NME3: variants seen among roughly 807,000 people sequenced by gnomAD.
NME3 encodes the protein nucleoside diphosphate kinase C.
Under a neutral mutation model 15.8 loss-of-function variants are expected in NME3, and 23 were observed. That is an observed-to-expected ratio of 1.45 (90% CI 1.05 to 2.06). The LOEUF is 2.06. Ranked by LOEUF, NME3 falls within the 30% of genes most tolerant of loss-of-function variation. The pLI, the probability that NME3 is intolerant of heterozygous loss-of-function variation, is 0.00. For synonymous variants in NME3, 157 were observed against 104.4 expected, an observed-to-expected ratio of 1.50 and a Z score of -3.07; for missense variants, 354 against 243.2, an observed-to-expected ratio of 1.46 and a Z score of -3.03.
In NME3 at chr16:1,770,966, T is replaced by A. The variant is rs766179434; in HGVS notation, c.307A>T (p.Thr103Ser). The A allele has an allele frequency of 6.3e-7, 1 of 1,584,368 alleles. No individual in the cohort carries two copies. Among genetic ancestry groups the A allele is most frequent in the Non-Finnish European group, 8.6e-7 (1 of 1,160,694 alleles). Reference sequence around the variant, plus strand: ...GTGGCTCCGATGAGCGCCCGCGAGGTGCGCACCACGTCCAGCCCCTGCCAT... The same window carrying A: ...GTGGCTCCGATGAGCGCCCGCGAGGAGCGCACCACGTCCAGCCCCTGCCAT... ...MVWQGLDVVRTSRALIGATNP... is the reference protein window; with the variant it reads ...MVWQGLDVVRSSRALIGATNP... Residue 103 changes from threonine to serine, a missense_variant, in exon 4 of 5, where the codon ACC (threonine) becomes TCC (serine). Physicochemically the swap from Thr to Ser is moderately conservative, Grantham distance 58. Coordinates refer to ENST00000219302, the MANE Select transcript of NME3 (RefSeq NM_002513.3).
At position 1,771,163 on chromosome 16, in the gene NME3, C is replaced by T. The variant is rs1444364540; in HGVS notation, c.186G>A (p.Glu62=). ...LVALKLVQAS[E]ELLREHYAEL... ...CGGCGTAGTGCTCACGCAGCAGCTCCTCGGAGGCCTGCGGAAGGGTCAGGC... is the reference window on the plus strand; with the variant it reads ...CGGCGTAGTGCTCACGCAGCAGCTCTTCGGAGGCCTGCGGAAGGGTCAGGC... The change falls in exon 3 of 5, where the codon GAG becomes GAA. Residue 62 remains glutamate (E), a synonymous_variant. Transcript: ENST00000219302. The T allele has an allele frequency of 1.2e-6, 2 of 1,602,510 alleles. No individual in the cohort carries two copies. The highest frequency in any genetic ancestry group is 8.5e-7 in the Non-Finnish European group (1 of 1,177,250).
chr16:1,771,020 A>C (rs1009376885), intron 3 of NME3, 27 bp from the exon 4 acceptor site: 1 of 1,593,958 alleles, frequency 6.3e-7, no homozygotes, highest in African/African-American at 1.3e-5. Flanking sequence ...GCGCGGTATC[A>C]CGCGGGGGTG....
At chr16:1,770,840 A>G in intron 4 of NME3, 41 bp downstream of exon 4, 1 of 1,568,366 alleles carries the variant, frequency 6.4e-7, no homozygotes, top group Non-Finnish European at 8.7e-7. Context: ...GAACAGGGGG[A>G]GGCCGGACGG....
chr16:1,771,449 G>C (rs556798168), intron 1 of NME3, 39 bp from the exon 2 acceptor site: 1 of 1,391,836 alleles, frequency 7.2e-7, no homozygotes, highest in Admixed American at 3.9e-5. Context: ...GGCCGGCCCA[G>C]CACCGGCCAC....
In NME3 at chr16:1,771,395, T is replaced by C; in HGVS notation, c.62A>G (p.His21Arg). Residue 21 changes from histidine (H) to arginine (R), a missense_variant, in exon 2 of 5, where the codon CAC (histidine) becomes CGC (arginine). Coordinates refer to ENST00000219302, the MANE Select transcript of NME3 (RefSeq NM_002513.3). Reference protein sequence around the residue: ...NLFPAACTGAHERTFLAVKPD... With the variant: ...NLFPAACTGARERTFLAVKPD... Reference sequence around the variant, plus strand: ...CTTCACGGCCAGGAAGGTGCGTTCGTGTGCGCCGGTGCAGGCTGCGGGGCA... The same window carrying C: ...CTTCACGGCCAGGAAGGTGCGTTCGCGTGCGCCGGTGCAGGCTGCGGGGCA... The C allele has an allele frequency of 6.5e-7, 1 of 1,547,246 alleles. No individual in the cohort carries two copies. Among genetic ancestry groups the C allele is most frequent in the Non-Finnish European group, 8.7e-7 (1 of 1,147,528 alleles).
At position 1,771,492 on chromosome 16, in the gene NME3, C is replaced by T. The variant is rs2042602472; in HGVS notation, c.43G>A (p.Ala15Thr). The T allele has an allele frequency of 3.0e-6, 4 of 1,317,740 alleles. No individual in the cohort carries two copies. Among genetic ancestry groups the T allele is most frequent in the Admixed American group, 4.2e-5 (1 of 24,018 alleles). 81.6% of individuals were successfully genotyped at this position (1,317,740 alleles called of 1,614,324 possible). Reference sequence around the variant, plus strand: ...CGGCCCGCGCCGCGCGGCTCACCCGCGGGGAAGAGGTTAGCGAAGATGGTC... The same window carrying T: ...CGGCCCGCGCCGCGCGGCTCACCCGTGGGGAAGAGGTTAGCGAAGATGGTC... ...VLTIFANLFP[A>T]ACTGAHERTF... is the part of the protein sequence containing the mutation. The change falls in exon 1 of 5, where the codon GCG (alanine) becomes ACG (threonine). Residue 15 changes from alanine (A) to threonine (T), a missense_variant. Transcript: ENST00000219302.
At position 1,771,231 on chromosome 16, in the gene NME3, G is replaced by GC; in HGVS notation, c.177+48dup. ...GGCACCTAGGCGTCCCCAGGTCCCC[G>GC]CTCCCCTTCCCCCCACACCGCGCCC... On this transcript the variant is annotated intron_variant, in intron 2 of 4. Transcript: ENST00000219302. The GC allele has an allele frequency of 4.2e-6, 6 of 1,435,156 alleles. No homozygotes were observed. In the South Asian group the frequency reaches 4.8e-5, roughly 11 times the overall value. 88.9% of individuals were successfully genotyped at this position (1,435,156 alleles called of 1,614,324 possible).
At chr16:1,771,024 G>T (rs763494855) in intron 3 of NME3, 31 bp from the exon 4 acceptor site, 5 of 1,593,370 alleles carry the variant, frequency 3.1e-6, no homozygotes, top group Middle Eastern at 1.7e-4. Context: ...GGTATCACGC[G>T]GGGGTGGGGG....
chr16:1,770,610 G>T lies in NME3; in HGVS notation c.*39C>A. ...CCCGCCCACCTGGGCCCTGGAGGAG[G>T]CTGGAGTGTGAGAGCCTCTGTGACG... On this transcript the variant is annotated 3_prime_UTR_variant, in exon 5 of 5. Transcript: ENST00000219302. 6.7e-7 allele frequency: 1 copy of T among 1,498,242 alleles called. No homozygotes were observed. Among genetic ancestry groups the T allele is most frequent in the African/African-American group, 1.4e-5 (1 of 72,854 alleles). 92.8% of individuals were successfully genotyped at this position (1,498,242 alleles called of 1,614,324 possible).
rs2042556226 is a variant in NME3, at chr16:1,770,492, G to C, written c.*157C>G. On this transcript the variant is annotated 3_prime_UTR_variant, in exon 5 of 5. Transcript: ENST00000219302. ...ACCCTGTACGCCAGGGATTGGAGAG[G>C]CCTGCGCCACCCTCCATGCAACGTC... The C allele has an allele frequency of 1.7e-6, 1 of 590,248 alleles. No individual in the cohort carries two copies. The allele number at this position is 590,248 out of a possible 1,614,324, so 36.6% of individuals were successfully genotyped here.
rs761342124 is a variant in NME3 at position 1,771,168 on chromosome 16, A to T, written c.181T>A (p.Ser61Thr). ...TAGTGCTCACGCAGCAGCTCCTCGG[A>T]GGCCTGCGGAAGGGTCAGGCCGCCT... ...KLVALKLVQA[S>T]EELLREHYAE... Residue 61 changes from serine to threonine, a missense_variant, in exon 3 of 5, where the codon TCC (serine) becomes ACC (threonine). Transcript: ENST00000219302. 1 of 1,600,784 alleles carries T rather than the reference A, an allele frequency of 6.2e-7. No homozygotes were observed. Among genetic ancestry groups the T allele is most frequent in the South Asian group, 1.1e-5 (1 of 90,254 alleles).
Position 1,770,774 on chromosome 16 carries a change from G to C in NME3, c.393-8C>G. 6.2e-7 allele frequency: 1 copy of C among 1,600,296 alleles called. No individual in the cohort carries two copies. Among genetic ancestry groups the C allele is most frequent in the Non-Finnish European group, 8.5e-7 (1 of 1,173,286 alleles). ...CTGCCGTGAATCAGGTTCCTGCGCG[G>C]AAGAGGCGCGTGTGAGCGTGGGAAA... On this transcript the variant is annotated splice_region_variant and splice_polypyrimidine_tract_variant and intron_variant, in intron 4 of 4. Coordinates refer to ENST00000219302, the MANE Select transcript of NME3 (RefSeq NM_002513.3).
rs1040648148 is a variant in NME3 at position 1,770,551 on chromosome 16, G to A, written c.*98C>T. On this transcript the variant is annotated 3_prime_UTR_variant, in exon 5 of 5. Transcript: ENST00000219302. ...TGGATGTTCAGCAGCCCGTCCAAAG[G>A]GATGCTCCAAGCGCTGTGGGGTGGG... 6 of 903,536 alleles carry A rather than the reference G, an allele frequency of 6.6e-6. No homozygotes were observed. The highest frequency in any genetic ancestry group is 9.8e-6 in the Non-Finnish European group (6 of 612,012). The allele number at this position is 903,536 out of a possible 1,614,324, so 56.0% of individuals were successfully genotyped here.
chr16:1,771,369 G>A lies in NME3; in HGVS notation c.88C>T (p.Pro30Ser). Reference sequence around the variant, plus strand: ...ACCAGCCGCCGCTGCACGCCGTCCGGCTTCACGGCCAGGAAGGTGCGTTCG... The same window carrying A: ...ACCAGCCGCCGCTGCACGCCGTCCGACTTCACGGCCAGGAAGGTGCGTTCG... ...AHERTFLAVK[P>S]DGVQRRLVGE... Residue 30 changes from proline (P) to serine (S), a missense_variant, in exon 2 of 5, where the codon CCG (proline) becomes TCG (serine). Coordinates refer to ENST00000219302, the MANE Select transcript of NME3 (RefSeq NM_002513.3). 6.3e-7 allele frequency: 1 copy of A among 1,576,826 alleles called. No homozygotes were observed. Among genetic ancestry groups the A allele is most frequent in the Non-Finnish European group, 8.6e-7 (1 of 1,162,832 alleles).
In NME3 at chr16:1,771,542, G is replaced by A. The variant is rs1444822312; in HGVS notation, c.-8C>T. ...CAGCACCAGGCAGATCATGATGGCG[G>A]TGCGGGAGCGGGATCCGCGGGGCGG... is the stretch of plus-strand genomic sequence containing the variant. On this transcript the variant is annotated 5_prime_UTR_variant, in exon 1 of 5. Coordinates refer to ENST00000219302, the MANE Select transcript of NME3 (RefSeq NM_002513.3). 3.5e-5 allele frequency: 39 copies of A among 1,123,924 alleles called. No individual in the cohort carries two copies. The highest frequency in any genetic ancestry group is 4.5e-5 in the Non-Finnish European group (39 of 871,968). 69.6% of individuals were successfully genotyped at this position (1,123,924 alleles called of 1,614,324 possible).
rs765422683 is a variant in NME3 at position 1,770,784 on chromosome 16, G to T, written c.393-18C>A. 43 of 1,596,954 alleles carry T rather than the reference G, an allele frequency of 2.7e-5. No individual in the cohort carries two copies. Among genetic ancestry groups the T allele is most frequent in the Middle Eastern group, 3.3e-4 (2 of 6,032 alleles). On this transcript the variant is annotated intron_variant, in intron 4 of 4. Transcript: ENST00000219302. Reference sequence around the variant, plus strand: ...TCAGGTTCCTGCGCGGAAGAGGCGCGTGTGAGCGTGGGAAAGAGACCTCCG... The same window carrying T: ...TCAGGTTCCTGCGCGGAAGAGGCGCTTGTGAGCGTGGGAAAGAGACCTCCG...
chr16:1,771,237 C>CG, intron 2 of NME3, 43 bp downstream of exon 2: 1 of 1,572,094 alleles, frequency 6.4e-7, no homozygotes, highest in Non-Finnish European at 8.6e-7. Flanking sequence ...CCCCGCTCCC[C>CG]TTCCCCCCAC....
In NME3 at chr16:1,771,053, G is replaced by T; in HGVS notation, c.279+17C>A. ...GTGGGGGTCCCGGAGCCGCCCGCCC[G>T]CTTCCCGGATACTCACCATGGCCAC... is the stretch of plus-strand genomic sequence containing the variant. On this transcript the variant is annotated intron_variant, in intron 3 of 4. Coordinates refer to ENST00000219302, the MANE Select transcript of NME3 (RefSeq NM_002513.3). 6.3e-7 allele frequency: 1 copy of T among 1,599,432 alleles called. No homozygotes were observed. Among genetic ancestry groups the T allele is most frequent in the Non-Finnish European group, 8.5e-7 (1 of 1,171,826 alleles).
Position 1,770,898 on chromosome 16 carries a change from G to T in NME3, c.375C>A (p.Phe125Leu). The change falls in exon 4 of 5, where the codon TTC becomes TTA. Residue 125 changes from phenylalanine (F) to leucine (L), a missense_variant. Coordinates refer to ENST00000219302, the MANE Select transcript of NME3 (RefSeq NM_002513.3). ...DAPPGTIRGD[F>L]CIEVGKNLIH... ...GGCCTTACTTGCCAACCTCGATGCA[G>T]AAATCCCCGCGGATGGTGCCGGGCG... The T allele has an allele frequency of 6.3e-7, 1 of 1,582,524 alleles. No homozygotes were observed.
Sources: allele counts gnomAD v4.1 joint callset, GRCh38; gene constraint gnomAD v4.1.1; transcripts MANE v1.5; gene names NCBI Gene and HGNC (gene_info 2026-07-23, HGNC 2026-07-21).